ACACB: variants seen among roughly 807,000 people sequenced by gnomAD.
ACACB encodes the protein acetyl-CoA carboxylase beta, also known as acetyl-CoA carboxylase 2.
A neutral mutation model predicts 278.8 loss-of-function variants in ACACB; 209 were observed. That is an observed-to-expected ratio of 0.75 (90% CI 0.67 to 0.84). The LOEUF is 0.84. ACACB is among the 40% of genes least tolerant of loss of function. ACACB has a pLI of 0.00. For synonymous variants in ACACB, 1,174 were observed against 1,285.6 expected, an observed-to-expected ratio of 0.91 and a Z score of 1.86; for missense variants, 2,850 against 3,269.0, an observed-to-expected ratio of 0.87 and a Z score of 3.13.
At chr12:109,190,730 C>T (rs2044844290) in intron 13 of ACACB, among the ~76,000 whole-genome samples, 1 of 151,636 alleles carries the variant, frequency 6.6e-6, no homozygotes. Context: ...TGGGCTCAAG[C>T]GATCCTCCCC....
chr12:109,257,604 T>C (rs1271735141), intron 45 of ACACB, among the ~76,000 whole-genome samples: 1 of 152,158 alleles, frequency 6.6e-6, no homozygotes, highest in East Asian at 1.9e-4. Flanking sequence ...AAGGTCTTGC[T>C]CTGTCACCCA....
intron 1 of ACACB, among the ~76,000 whole-genome samples, chr12:109,127,748 C>T (rs1330014779): frequency 6.6e-6 from 1 of 152,186 alleles, no homozygotes. Flanking sequence ...TGGTGTGTCA[C>T]CAGTGCCGTC....
In ACACB at chr12:109,139,748, C is replaced by A; in HGVS notation, c.343C>A (p.Leu115Ile). 10 of 1,614,216 alleles carry A rather than the reference C, an allele frequency of 6.2e-6. No individual in the cohort carries two copies. Among genetic ancestry groups the A allele is most frequent in the Non-Finnish European group, 8.5e-6 (10 of 1,180,046 alleles). ...CAGTGACGCAGCACCCTCCCCAGAG[C>A]TTCAAGCCAACGGGACTGGGACACA... ...SSSDAAPSPE[L>I]QANGTGTQGL... The change falls in exon 2 of 53, where the codon CTT (leucine) becomes ATT (isoleucine). Residue 115 changes from leucine to isoleucine, a missense_variant. Around this residue, in one of 3 missense-constraint regions of ACACB, gnomAD observed 2,265 missense variants for 2,561.3 expected, o/e 0.88. Coordinates refer to ENST00000338432, the MANE Select transcript of ACACB (RefSeq NM_001093.4).
intron 24 of ACACB, among the ~76,000 whole-genome samples, chr12:109,219,656 AAAG>A (rs1490841124): frequency 1.3e-5 from 2 of 152,226 alleles, no homozygotes; most frequent in African/African-American, 4.8e-5. Flanking sequence ...ACTTTCAGAA[AAAG>A]AGAGAGTGTG....
intron 51 of ACACB, 41 bp downstream of exon 51, chr12:109,265,321 T>C (rs553707417): frequency 6.2e-7 from 1 of 1,610,330 alleles, no homozygotes; most frequent in East Asian, 2.2e-5. Context: ...GCACAGGGGG[T>C]GCTGGGGGCT....
At chr12:109,240,095 C>T (rs1175624729) in intron 35 of ACACB, 110 bp downstream of exon 35, 12 of 1,293,584 alleles carry the variant, frequency 9.3e-6, no homozygotes, top group African/African-American at 7.5e-5. Context: ...AGGATGAAAC[C>T]ATGCGTATCT....
intron 4 of ACACB, among the ~76,000 whole-genome samples, chr12:109,171,068 G>A (rs1158357338): frequency 7.8e-6 from 1 of 128,956 alleles, no homozygotes; most frequent in Non-Finnish European, 1.6e-5. Context: ...TGCCCAAACT[G>A]GTCTTGAATT....
chr12:109,264,963 G>A (rs2047474919), intron 50 of ACACB, 147 bp from the exon 51 acceptor site: 9 of 893,280 alleles, frequency 1.0e-5, no homozygotes, highest in Non-Finnish European at 1.4e-5. Context: ...TCTCCTCCCT[G>A]AGCCTCAGCT....
At chr12:109,193,764 ACT>A in intron 16 of ACACB, 35 bp downstream of exon 16, 1 of 1,547,826 alleles carries the variant, frequency 6.5e-7, no homozygotes, top group Non-Finnish European at 8.9e-7. Context: ...TGTCTCCAAC[ACT>A]CTGCAAGCTT....
chr12:109,129,712 C>G (rs756596423), intron 1 of ACACB, among the ~76,000 whole-genome samples: 1 of 152,200 alleles, frequency 6.6e-6, no homozygotes, highest in Non-Finnish European at 1.5e-5. Flanking sequence ...CCCTCTGCCC[C>G]CCAAAAGCAG....
rs1408540400 is a variant in ACACB, at chr12:109,232,741, C to T, written c.4074C>T (p.Gly1358=). The change falls in exon 29 of 53, where the codon GGC becomes GGT. Residue 1358 remains glycine (G), a synonymous_variant. Transcript: ENST00000338432. ...GCACAGAGCTCTTCATGGACAGCGG[C>T]TTCTCCCCACTGTGCCAGCGCATGG... ...RHSTELFMDS[G]FSPLCQRMGA... The T allele has an allele frequency of 1.9e-6, 3 of 1,614,034 alleles. No homozygotes were observed. The highest frequency in any genetic ancestry group is 1.1e-5 in the South Asian group (1 of 91,080).
chr12:109,172,826 A>G (rs1037711418), intron 6 of ACACB, among the ~76,000 whole-genome samples: 5 of 152,248 alleles, frequency 3.3e-5, no homozygotes, highest in African/African-American at 7.2e-5. Flanking sequence ...GTATATACCC[A>G]GAGGAATTTA....
intron 1 of ACACB, among the ~76,000 whole-genome samples, chr12:109,135,364 T>C (rs1408082315): frequency 2.0e-5 from 3 of 152,070 alleles, no homozygotes; most frequent in Non-Finnish European, 2.9e-5. Context: ...CACTTAAAAA[T>C]TGGGTTGTCT....
At chr12:109,171,680 A>G (rs1400313415) in intron 4 of ACACB, 125 bp from the exon 5 acceptor site, 5 of 724,754 alleles carry the variant, frequency 6.9e-6, no homozygotes, top group Admixed American at 4.8e-5. Context: ...ATGTTTGTCC[A>G]TTGTTACCAT....
intron 22 of ACACB, among the ~76,000 whole-genome samples, chr12:109,213,178 C>G (rs1325891196): frequency 1.3e-5 from 2 of 152,158 alleles, no homozygotes; most frequent in East Asian, 3.9e-4. Flanking sequence ...ATTCTCCTGC[C>G]TCAGCCTCCC....
At position 109,154,167 on chromosome 12, in the gene ACACB, G is replaced by A. The variant is rs529014395; in HGVS notation, c.654-12694G>A. Among the ~76,000 whole-genome samples the A allele has an allele frequency of 1.3e-3, 194 of 152,322 alleles. 1 individual carries two copies. Among genetic ancestry groups the A allele is most frequent in the African/African-American group, 4.4e-3 (184 of 41,562 alleles). Reference sequence around the variant, plus strand: ...TACCAGAAGTTTATTTCGGATCACCGGGCTGCTGGGGTCCTCCCTGTCCTG... The same window carrying A: ...TACCAGAAGTTTATTTCGGATCACCAGGCTGCTGGGGTCCTCCCTGTCCTG... On this transcript the variant is annotated intron_variant, in intron 2 of 52. Transcript: ENST00000338432.
intron 1 of ACACB, among the ~76,000 whole-genome samples, chr12:109,119,766 G>GCA (rs1383041304): frequency 1.3e-5 from 2 of 151,946 alleles, no homozygotes; most frequent in African/African-American, 2.4e-5. Context: ...TTATGGTGGT[G>GCA]CGCCTGTAAT....
chr12:109,166,721 A>G (rs2043918075), intron 2 of ACACB, 140 bp from the exon 3 acceptor site: 1 of 759,254 alleles, frequency 1.3e-6, no homozygotes, highest in Non-Finnish European at 1.9e-6. Flanking sequence ...AAATTGCTTC[A>G]GGGGCTCTGG....
In ACACB at chr12:109,249,873, C is replaced by T. The variant is rs776017154; in HGVS notation, c.5670-111C>T. Reference sequence around the variant, plus strand: ...TTCATTTTGCCTCTGGATGCTTTGTCTGCTTCCAATCTCTCACCTTGCTGC... The same window carrying T: ...TTCATTTTGCCTCTGGATGCTTTGTTTGCTTCCAATCTCTCACCTTGCTGC... On this transcript the variant is annotated intron_variant, in intron 40 of 52. Coordinates refer to ENST00000338432, the MANE Select transcript of ACACB (RefSeq NM_001093.4). 57 of 1,398,684 alleles carry T rather than the reference C, an allele frequency of 4.1e-5. 1 individual carries two copies. Among genetic ancestry groups the T allele is most frequent in the Non-Finnish European group, 5.1e-5 (53 of 1,046,454 alleles). 86.6% of individuals were successfully genotyped at this position (1,398,684 alleles called of 1,614,324 possible).
Sources: gnomAD v4.1 joint callset for allele counts (sites outside exome capture counted in the v4.1 genomes callset) on GRCh38, gnomAD v4.1.1 for gene constraint, gnomAD v4.1.1 regional missense constraint, MANE v1.5 for transcripts, NCBI Gene and HGNC (gene_info 2026-07-23, HGNC 2026-07-21) for gene names.